The following DMBT1 variants were observed in gnomAD, a reference collection of about 807,000 sequenced individuals.
DMBT1 encodes scavenger receptor cysteine-rich domain-containing protein DMBT1.
In DMBT1, 198 loss-of-function variants were observed where a neutral mutation model predicts 252.9. The ratio of observed to expected loss-of-function variants is 0.78; its 90% CI spans 0.70 to 0.88. DMBT1 has a LOEUF of 0.88. DMBT1 is among the 40% of genes least tolerant of loss of function. DMBT1 has a pLI of 0.00. For missense variants in DMBT1, 2,432 were observed against 2,404.7 expected, an observed-to-expected ratio of 1.01 and a Z score of -0.24; for synonymous variants, 990 against 942.7, an observed-to-expected ratio of 1.05 and a Z score of -0.92.
intron 55 of DMBT1, among the ~76,000 whole-genome samples, chr10:122,642,766 G>A (rs1844794198): frequency 6.6e-6 from 1 of 152,140 alleles, no homozygotes. Flanking sequence ...TCCCGCTCCT[G>A]GGCTCCAAAC....
At position 122,586,300 on chromosome 10, in the gene DMBT1, A is replaced by T; in HGVS notation, c.1700A>T (p.Glu567Val). The T allele has an allele frequency of 6.3e-7, 1 of 1,588,680 alleles. No homozygotes were observed. The highest frequency in any genetic ancestry group is 8.6e-7 in the Non-Finnish European group (1 of 1,165,864). ...VLDDVRCSGN[E>V]SYLWSCPHNG... ...GATGACGTGCGCTGCTCAGGGAATGAGTCCTACTTGTGGAGCTGCCCCCAC... is the reference window on the plus strand; with the variant it reads ...GATGACGTGCGCTGCTCAGGGAATGTGTCCTACTTGTGGAGCTGCCCCCAC... Residue 567 changes from glutamate to valine, a missense_variant, in exon 16 of 56, where the codon GAG becomes GTG. Glu to Val is a moderately radical substitution (Grantham distance 121, BLOSUM62 -2). Coordinates refer to ENST00000338354, the MANE Select transcript of DMBT1 (RefSeq NM_001377530.1).
intron 50 of DMBT1, 26 bp downstream of exon 50, chr10:122,631,901 C>A: frequency 3.7e-6 from 6 of 1,612,468 alleles, no homozygotes; most frequent in Non-Finnish European, 5.1e-6. Context: ...TTCCATTCCA[C>A]TTCCCTGGTC....
At position 122,620,251 on chromosome 10, in the gene DMBT1, A is replaced by G. The variant is rs2098050929; in HGVS notation, c.5246-2A>G. ...GTCCTTTCTCTTTGTTGCAATTTACAGATACTTGGCTGACCACCAACTTAC... is the reference window on the plus strand; with the variant it reads ...GTCCTTTCTCTTTGTTGCAATTTACGGATACTTGGCTGACCACCAACTTAC... On this transcript the variant is annotated splice_acceptor_variant, in intron 42 of 55. Coordinates refer to ENST00000338354, the MANE Select transcript of DMBT1 (RefSeq NM_001377530.1). LOFTEE classifies it high-confidence loss of function. The G allele has an allele frequency of 1.9e-6, 3 of 1,613,910 alleles. No homozygotes were observed. The highest frequency in any genetic ancestry group is 2.2e-5 in the South Asian group (2 of 91,068).
Position 122,590,547 on chromosome 10 carries a change from C to T in DMBT1, c.2108-118C>T. On this transcript the variant is annotated intron_variant, in intron 17 of 55. Transcript: ENST00000338354. Reference sequence around the variant, plus strand: ...GGGACGTGCATGGCAATGCCCCTCCCTCTGTGATGGGGACATAGGGTGGAC... The same window carrying T: ...GGGACGTGCATGGCAATGCCCCTCCTTCTGTGATGGGGACATAGGGTGGAC... 3 of 1,280,612 alleles carry T rather than the reference C, an allele frequency of 2.3e-6. 1 individual carries two copies. The highest frequency in any genetic ancestry group is 2.2e-6 in the Non-Finnish European group (2 of 889,778). 79.3% of individuals were successfully genotyped at this position (1,280,612 alleles called of 1,614,324 possible). A position where few individuals can be genotyped will look rare whatever the true frequency, so the allele number is the denominator to read the frequency against.
At chr10:122,562,749 A>G (rs908921414) in intron 1 of DMBT1, among the ~76,000 whole-genome samples, 3 of 152,256 alleles carry the variant, frequency 2.0e-5, no homozygotes, top group Non-Finnish European at 4.4e-5. Flanking sequence ...ACACATGTGC[A>G]TGCATGCCTG....
At chr10:122,642,940 C>A (rs1844830159) in intron 55 of DMBT1, among the ~76,000 whole-genome samples, 182 bp from the exon 56 acceptor site, 1 of 152,072 alleles carries the variant, frequency 6.6e-6, no homozygotes, top group African/African-American at 2.4e-5. Flanking sequence ...CCGGAGCTGC[C>A]AGGATTTCTC....
rs1295443043 is a variant in DMBT1 at position 122,573,738 on chromosome 10, A to G, written c.259A>G (p.Thr87Ala). 3.7e-6 allele frequency: 6 copies of G among 1,613,750 alleles called. No individual in the cohort carries two copies. In the African/African-American group the frequency reaches 6.7e-5, roughly 18 times the overall value. ...AEGSLIPSESTLESTVAEGSD... is the reference protein window; with the variant it reads ...AEGSLIPSESALESTVAEGSD... ...AGGTTCTCTGATTCCCTCAGAGTCA[A>G]CCCTGGAGTCAACTGTAGCAGAAGG... is the stretch of plus-strand genomic sequence containing the variant. Residue 87 changes from threonine (T) to alanine (A), a missense_variant, in exon 6 of 56, where the codon ACC becomes GCC. Physicochemically the swap from Thr to Ala is moderately conservative, Grantham distance 58. Around this residue, in one of 3 missense-constraint regions of DMBT1, gnomAD observed 1,264 missense variants for 1,082.2 expected, o/e 1.17. Coordinates refer to ENST00000338354, the MANE Select transcript of DMBT1 (RefSeq NM_001377530.1).
At chr10:122,600,459 C>A (rs757340751) in intron 27 of DMBT1, among the ~76,000 whole-genome samples, 17 of 152,218 alleles carry the variant, frequency 1.1e-4, no homozygotes, top group Non-Finnish European at 2.4e-4. Context: ...CTGTTCAAGG[C>A]ATCATCAGGG....
intron 46 of DMBT1, among the ~76,000 whole-genome samples, chr10:122,627,335 A>G (rs756650369): frequency 4.6e-5 from 7 of 152,154 alleles, no homozygotes; most frequent in Non-Finnish European, 1.0e-4. Context: ...TACATTCCAT[A>G]CACTGTATAC....
chr10:122,584,501 G>A (rs1395355080), intron 14 of DMBT1, 150 bp downstream of exon 14: 8 of 467,158 alleles, frequency 1.7e-5, no homozygotes, highest in East Asian at 7.7e-5. Context: ...CTGGAATGGC[G>A]CTTCTGAACC....
chr10:122,599,209 T>A, intron 26 of DMBT1, 112 bp downstream of exon 26: 1 of 1,550,768 alleles, frequency 6.4e-7, no homozygotes. Context: ...TTTTCTATAT[T>A]TCTGAAGACT....
At chr10:122,639,901 C>T (rs1844215842) in intron 54 of DMBT1, 139 bp from the exon 55 acceptor site, 1 of 1,024,344 alleles carries the variant, frequency 9.8e-7, no homozygotes, top group East Asian at 2.6e-5. Flanking sequence ...AGGCACGTGC[C>T]ATGGCCATCT....
rs936171735 is a variant in DMBT1, at chr10:122,590,603, C to G, written c.2108-62C>G. ...GCGCTACCAGTTTAGTTCCTTGTAC[C>G]TTTGTTCTGGTTTTGCCAGCTTCTG... On this transcript the variant is annotated intron_variant, in intron 17 of 55. Transcript: ENST00000338354. 11 of 1,562,624 alleles carry G rather than the reference C, an allele frequency of 7.0e-6. 1 individual carries two copies. Among genetic ancestry groups the G allele is most frequent in the Non-Finnish European group, 9.6e-6 (11 of 1,142,958 alleles).
chr10:122,620,187 G>T, intron 42 of DMBT1, 66 bp from the exon 43 acceptor site: 2 of 1,537,358 alleles, frequency 1.3e-6, no homozygotes, highest in South Asian at 1.1e-5. Flanking sequence ...CTGGTTCAGA[G>T]ATTTTTTTTT....
In DMBT1 at chr10:122,630,321, TG is replaced by T; in HGVS notation, c.5857del (p.Val1953LeufsTer8). Reference sequence around the variant, plus strand: ...CACACCATAACTGCAGTTTTGATTATGTTGAAATCTTTGATGGATCATTGAA... The same window carrying T: ...CACACCATAACTGCAGTTTTGATTATTTGAAATCTTTGATGGATCATTGAA... The part of the protein sequence containing the change: ...EAHHNCSFDY[V>X]EIFDGSLNSS... On this transcript the variant is annotated frameshift_variant, in exon 48 of 56. Coordinates refer to ENST00000338354, the MANE Select transcript of DMBT1 (RefSeq NM_001377530.1). LOFTEE classifies it high-confidence loss of function. The T allele has an allele frequency of 6.2e-7, 1 of 1,614,070 alleles. No individual in the cohort carries two copies. The highest frequency in any genetic ancestry group is 8.5e-7 in the Non-Finnish European group (1 of 1,179,890).
rs751105407 is a variant in DMBT1 at position 122,618,191 on chromosome 10, G to A, written c.5066G>A (p.Gly1689Glu). The A allele has an allele frequency of 2.5e-6, 4 of 1,613,908 alleles. No homozygotes were observed. Among genetic ancestry groups the A allele is most frequent in the Admixed American group, 3.3e-5 (2 of 60,012 alleles). The change falls in exon 41 of 56, where the codon GGA becomes GAA. Residue 1689 changes from glycine to glutamate, a missense_variant. Physicochemically the swap from Gly to Glu is moderately conservative, Grantham distance 98. Transcript: ENST00000338354. ...LGCGWAMSAP[G>E]NAQFGQGSGP... ...TGTGGCTGGGCCATGTCAGCCCCAG[G>A]AAATGCCCAGTTTGGCCAGGGCTCA... is the stretch of plus-strand genomic sequence containing the variant.
chr10:122,598,991 T>A lies in DMBT1; in HGVS notation c.3174T>A (p.Asp1058Glu), dbSNP rs369690487. 14 of 1,613,628 alleles carry A rather than the reference T, an allele frequency of 8.7e-6. No individual in the cohort carries two copies. Among genetic ancestry groups the A allele is most frequent in the Non-Finnish European group, 1.2e-5 (14 of 1,179,738 alleles). Residue 1058 changes from aspartate (D) to glutamate (E), a missense_variant, in exon 26 of 56, where the codon GAT (aspartate) becomes GAA (glutamate). Physicochemically the swap from Asp to Glu is conservative, Grantham distance 45. Transcript: ENST00000338354. ...FGQGSGPIVL[D>E]DVRCSGHESY... ...AGGGCTCAGGACCCATTGTCCTGGA[T>A]GATGTGCGCTGCTCAGGACACGAGT... is the stretch of plus-strand genomic sequence containing the variant.
At position 122,638,140 on chromosome 10, in the gene DMBT1, C is replaced by G. The variant is rs543616160; in HGVS notation, c.6942+828C>G. ...GCTGTGATTGGTCCTTGTCATACTC[C>G]CCCAGTGAAGGCCTGGCCTTAATTG... is the stretch of plus-strand genomic sequence containing the variant. On this transcript the variant is annotated intron_variant, in intron 54 of 55. Coordinates refer to ENST00000338354, the MANE Select transcript of DMBT1 (RefSeq NM_001377530.1). 2.6e-5 allele frequency among the ~76,000 whole-genome samples: 4 copies of G among 152,300 alleles called. No homozygotes were observed. In the East Asian group the frequency reaches 7.7e-4, roughly 29 times the overall value.
chr10:122,625,710 G>A (rs925050269), intron 45 of DMBT1, among the ~76,000 whole-genome samples: 24 of 152,214 alleles, frequency 1.6e-4, no homozygotes, highest in Non-Finnish European at 2.9e-4. Flanking sequence ...GGAGCCATCC[G>A]CAAAGCGTTT....
Sources: gnomAD v4.1 joint callset for allele counts (sites outside exome capture counted in the v4.1 genomes callset) on GRCh38, gnomAD v4.1.1 for gene constraint, gnomAD v4.1.1 regional missense constraint, MANE v1.5 for transcripts, NCBI Gene and HGNC (gene_info 2026-07-23, HGNC 2026-07-21) for gene names.